PTPRD: variants seen among roughly 807,000 people sequenced by gnomAD.
PTPRD encodes protein tyrosine phosphatase receptor type D.
Under a neutral mutation model 214.5 loss-of-function variants are expected in PTPRD, and 34 were observed. The ratio of observed to expected loss-of-function variants is 0.16; its 90% CI spans 0.12 to 0.21. The LOEUF (loss-of-function observed/expected upper bound fraction) is 0.21, where lower values mean the gene tolerates loss of function less well. PTPRD is among the 10% of genes least tolerant of loss of function. The probability of loss-of-function intolerance (pLI) is 1.00; values close to 1 mark genes in which losing one functional copy is unlikely to be tolerated. For synonymous variants in PTPRD, 1,128 were observed against 845.7 expected, an observed-to-expected ratio of 1.33 and a Z score of -5.79; for missense variants, 2,545 against 2,398.7, an observed-to-expected ratio of 1.06 and a Z score of -1.27.
intron 4 of PTPRD, among the ~76,000 whole-genome samples, chr9:10,029,322 G>C (rs1034368428): frequency 1.3e-5 from 2 of 152,188 alleles, no homozygotes; most frequent in Non-Finnish European, 2.9e-5. Context: ...GTCTAGTGGA[G>C]CTGTGAGAAG....
chr9:10,580,131 G>T (rs565355865), intron 2 of PTPRD, among the ~76,000 whole-genome samples: 2 of 152,110 alleles, frequency 1.3e-5, no homozygotes, highest in Non-Finnish European at 2.9e-5. Context: ...TTAAATTCAG[G>T]AGAACCTAGC....
chr9:9,381,752 T>G (rs1207394063), intron 9 of PTPRD, among the ~76,000 whole-genome samples: 4 of 151,980 alleles, frequency 2.6e-5, no homozygotes, highest in African/African-American at 9.7e-5. Context: ...ACCATAAAGT[T>G]TGCAATACGA....
chr9:8,471,156 T>C (rs1441714458), intron 30 of PTPRD, 71 bp from the exon 31 acceptor site: 12 of 1,316,632 alleles, frequency 9.1e-6, no homozygotes, highest in Non-Finnish European at 1.3e-5. Flanking sequence ...CCTTAAACCT[T>C]CCACAGACCA....
At chr9:8,330,690 T>TC (rs367928254) in intron 44 of PTPRD, among the ~76,000 whole-genome samples, 1 of 152,148 alleles carries the variant, frequency 6.6e-6, no homozygotes, top group Admixed American at 6.5e-5. Context: ...AACTTCATTA[T>TC]CATAGAGCCA....
intron 8 of PTPRD, among the ~76,000 whole-genome samples, chr9:9,529,667 C>T (rs1271517323): frequency 6.6e-6 from 1 of 151,856 alleles, no homozygotes; most frequent in African/African-American, 2.4e-5. Context: ...CAGCAACTCT[C>T]ACTCATTGCT....
chr9:8,615,402 C>A (rs1028165645), intron 14 of PTPRD, among the ~76,000 whole-genome samples: 3 of 152,020 alleles, frequency 2.0e-5, no homozygotes, highest in African/African-American at 7.3e-5. Flanking sequence ...TAAGCTATCG[C>A]CACTATTTAA....
At chr9:10,289,263 C>T (rs2095459328) in intron 3 of PTPRD, among the ~76,000 whole-genome samples, 1 of 152,130 alleles carries the variant, frequency 6.6e-6, no homozygotes, top group Non-Finnish European at 1.5e-5. Flanking sequence ...TTAACAGGAT[C>T]TATGTGTCAT....
At chr9:9,166,273 G>C (rs1011456672) in intron 10 of PTPRD, among the ~76,000 whole-genome samples, 1 of 151,902 alleles carries the variant, frequency 6.6e-6, no homozygotes, top group Non-Finnish European at 1.5e-5. Flanking sequence ...TGAATCTGTG[G>C]AGATGACATA....
chr9:10,135,049 T>C (rs550307668), intron 3 of PTPRD, among the ~76,000 whole-genome samples: 2 of 152,268 alleles, frequency 1.3e-5, no homozygotes, highest in East Asian at 3.9e-4. Flanking sequence ...CTCCTGGAAT[T>C]GAAAATTTCA....
In PTPRD at chr9:8,742,488, T is replaced by A. The variant is rs181305061; in HGVS notation, c.-103-8542A>T. Among the ~76,000 whole-genome samples, 23 of 152,322 alleles carry A rather than the reference T, an allele frequency of 1.5e-4. No individual in the cohort carries two copies. In the East Asian group the frequency reaches 4.0e-3, roughly 27 times the overall value. On this transcript the variant is annotated intron_variant, in intron 11 of 45. Transcript: ENST00000381196. ...AATCAAAACAGGTTTTCTTAATGAA[T>A]GCAAAATATCTGTAAAATACATTTA...
chr9:9,669,561 T>G (rs1183604609), intron 7 of PTPRD, among the ~76,000 whole-genome samples: 2 of 152,182 alleles, frequency 1.3e-5, no homozygotes, highest in African/African-American at 2.4e-5. Context: ...TTTGAAGTAT[T>G]GAAAAATGAT....
intron 37 of PTPRD, among the ~76,000 whole-genome samples, chr9:8,388,021 G>C (rs1462136643): frequency 6.6e-6 from 1 of 152,154 alleles, no homozygotes; most frequent in African/African-American, 2.4e-5. Context: ...TCCCATTTTA[G>C]ACAATATTTC....
At chr9:9,004,036 C>T (rs1720343528) in intron 11 of PTPRD, among the ~76,000 whole-genome samples, 1 of 152,038 alleles carries the variant, frequency 6.6e-6, no homozygotes, top group Admixed American at 6.6e-5. Flanking sequence ...ACTGAGTATT[C>T]TTGTGCTTAT....
intron 10 of PTPRD, among the ~76,000 whole-genome samples, chr9:9,156,451 A>G (rs1198327743): frequency 6.6e-6 from 1 of 151,318 alleles, no homozygotes; most frequent in Non-Finnish European, 1.5e-5. Flanking sequence ...AGTATTTATA[A>G]AAATACTTTT....
At chr9:8,759,797 T>C (rs952225138) in intron 11 of PTPRD, among the ~76,000 whole-genome samples, 2 of 152,196 alleles carry the variant, frequency 1.3e-5, no homozygotes, top group African/African-American at 4.8e-5. Context: ...ATAAATCCTA[T>C]TGAGAAAAGT....
rs564163234 is a variant in PTPRD, at chr9:10,224,016, C to T, written c.-545+116947G>A. Among the ~76,000 whole-genome samples the T allele has an allele frequency of 8.4e-4, 127 of 151,754 alleles. 1 individual carries two copies. Among genetic ancestry groups the T allele is most frequent in the African/African-American group, 2.8e-3 (116 of 41,478 alleles). On this transcript the variant is annotated intron_variant, in intron 3 of 45. Transcript: ENST00000381196. ...GATTACGTTGATTTGAAAATTATTTCAGGTTAAATAATATATTCTAAAATA... is the reference window on the plus strand; with the variant it reads ...GATTACGTTGATTTGAAAATTATTTTAGGTTAAATAATATATTCTAAAATA...
chr9:9,350,006 C>T (rs1019848787), intron 9 of PTPRD, among the ~76,000 whole-genome samples: 3 of 152,018 alleles, frequency 2.0e-5, no homozygotes, highest in African/African-American at 4.8e-5. Flanking sequence ...CTTGAAACTC[C>T]TTTTTCTGAA....
chr9:9,627,117 C>A (rs2095446421), intron 7 of PTPRD, among the ~76,000 whole-genome samples: 1 of 152,106 alleles, frequency 6.6e-6, no homozygotes, highest in African/African-American at 2.4e-5. Context: ...AGTTCGAGAC[C>A]AGCCTGGCCA....
chr9:9,765,237 A>T (rs57689460), intron 6 of PTPRD, among the ~76,000 whole-genome samples: 2 of 152,322 alleles, frequency 1.3e-5, no homozygotes, highest in East Asian at 3.9e-4. Context: ...ACGCATTTAT[A>T]GGAGGCTTTC....
Sources: allele counts gnomAD v4.1 joint callset (sites outside exome capture counted in the v4.1 genomes callset), GRCh38; gene constraint gnomAD v4.1.1; transcripts MANE v1.5; gene names NCBI Gene and HGNC (gene_info 2026-07-23, HGNC 2026-07-21).